Variants in CNTN5 observed in about 807,000 individuals in gnomAD.
CNTN5 encodes contactin-5.
CNTN5 carries 77 observed loss-of-function variants against 129.1 expected under a neutral mutation model. The observed-to-expected ratio is 0.60, with a 90% CI of 0.50 to 0.72. The LOEUF (loss-of-function observed/expected upper bound fraction) is 0.72. CNTN5 is among the 30% of genes least tolerant of loss of function. CNTN5 has a pLI of 0.00. For synonymous variants in CNTN5, 509 were observed against 465.6 expected (o/e 1.09, Z -1.20); for missense variants, 1,478 against 1,328.8 (o/e 1.11, Z -1.75).
intron 2 of CNTN5, among the ~76,000 whole-genome samples, chr11:99,333,978 A>T (rs200567234): frequency 0.62 from 91,554 of 147,532 alleles, 28,429 homozygotes; most frequent in African/African-American, 0.74. Flanking sequence ...TCTCTCACAC[A>T]CACACACACA....
At chr11:99,732,847 G>A (rs1353751658) in intron 3 of CNTN5, among the ~76,000 whole-genome samples, 1 of 151,452 alleles carries the variant, frequency 6.6e-6, no homozygotes, top group African/African-American at 2.4e-5. Context: ...TTAAGATGCT[G>A]GTGGAATAAC....
At chr11:99,906,667 G>A (rs998952491) in intron 6 of CNTN5, among the ~76,000 whole-genome samples, 1 of 152,132 alleles carries the variant, frequency 6.6e-6, no homozygotes, top group East Asian at 1.9e-4. Context: ...CATAAAATGA[G>A]TTAGAGAGGA....
rs112664739 is a variant in CNTN5 at position 99,199,065 on chromosome 11, T to C, written c.-209-126281T>C. 8.0e-3 allele frequency among the ~76,000 whole-genome samples: 1,219 copies of C among 152,242 alleles called. 4 individuals are homozygous for C. The highest frequency in any genetic ancestry group is 0.016 in the Admixed American group (242 of 15,280). On this transcript the variant is annotated intron_variant, in intron 1 of 24. Transcript: ENST00000524871. ...ATGATGCCATTGATGTTGGTAATGA[T>C]TGTATGGAAAGACAGGCTACAGAAA...
intron 9 of CNTN5, among the ~76,000 whole-genome samples, chr11:100,029,426 C>CA (rs1352276567): frequency 6.6e-6 from 1 of 151,682 alleles, no homozygotes; most frequent in African/African-American, 2.4e-5. Flanking sequence ...ACTAAAAATA[C>CA]AAAAAAATTA....
At chr11:99,795,647 T>C (rs2135456885) in intron 3 of CNTN5, among the ~76,000 whole-genome samples, 1 of 151,630 alleles carries the variant, frequency 6.6e-6, no homozygotes, top group South Asian at 2.1e-4. Flanking sequence ...ATTGTTACCC[T>C]TTGGATCTTT....
intron 2 of CNTN5, among the ~76,000 whole-genome samples, chr11:99,434,654 A>C (rs1943531494): frequency 6.6e-6 from 1 of 152,146 alleles, no homozygotes; most frequent in Non-Finnish European, 1.5e-5. Context: ...ATTATTACCA[A>C]TAGGAACTTT....
chr11:99,779,638 T>G (rs568465150), intron 3 of CNTN5, among the ~76,000 whole-genome samples: 186 of 152,098 alleles, frequency 1.2e-3, no homozygotes, highest in African/African-American at 4.4e-3. Flanking sequence ...AGTAACACTA[T>G]GAGGAATAGG....
chr11:100,006,395 A>G (rs1940190159), intron 9 of CNTN5, among the ~76,000 whole-genome samples: 2 of 152,092 alleles, frequency 1.3e-5, no homozygotes, highest in Admixed American at 1.3e-4. Flanking sequence ...CTTCTTTCAA[A>G]ATTGGAGTCA....
chr11:99,086,017 G>A (rs1160184564), intron 1 of CNTN5, among the ~76,000 whole-genome samples: 1 of 152,210 alleles, frequency 6.6e-6, no homozygotes, highest in Non-Finnish European at 1.5e-5. Context: ...CTACCACCAT[G>A]CAGTTTAAAA....
intron 1 of CNTN5, among the ~76,000 whole-genome samples, chr11:99,280,619 A>G (rs1863652381): frequency 6.6e-6 from 1 of 151,778 alleles, no homozygotes; most frequent in Non-Finnish European, 1.5e-5. Flanking sequence ...ATAGCTATAG[A>G]CCCAATCTCT....
intron 1 of CNTN5, among the ~76,000 whole-genome samples, chr11:99,217,791 A>T (rs889541877): frequency 5.9e-5 from 9 of 152,076 alleles, no homozygotes; most frequent in Non-Finnish European, 1.2e-4. Context: ...GGGCTTTTAC[A>T]TAAGGCCAAT....
At chr11:99,663,985 G>A (rs1952693218) in intron 3 of CNTN5, among the ~76,000 whole-genome samples, 1 of 152,130 alleles carries the variant, frequency 6.6e-6, no homozygotes, top group African/African-American at 2.4e-5. Context: ...ACTCTGTTGT[G>A]TATATCTTAA....
intron 3 of CNTN5, among the ~76,000 whole-genome samples, chr11:99,797,575 T>G (rs1945984680): frequency 6.6e-6 from 1 of 152,208 alleles, no homozygotes; most frequent in East Asian, 1.9e-4. Flanking sequence ...TTGTATGTCT[T>G]CTTTTGAGAA....
chr11:99,666,236 T>C (rs1000437185), intron 3 of CNTN5, among the ~76,000 whole-genome samples: 5 of 152,130 alleles, frequency 3.3e-5, no homozygotes, highest in African/African-American at 1.2e-4. Flanking sequence ...CCGAAGTGCT[T>C]GGATTATAGG....
chr11:99,631,876 C>G (rs188360910), intron 3 of CNTN5, among the ~76,000 whole-genome samples: 3 of 152,194 alleles, frequency 2.0e-5, no homozygotes, highest in Admixed American at 2.0e-4. Context: ...GAATACAATA[C>G]AAGTAGGTAT....
intron 1 of CNTN5, among the ~76,000 whole-genome samples, chr11:99,321,175 A>G (rs1865553779): frequency 6.6e-6 from 1 of 150,654 alleles, no homozygotes; most frequent in South Asian, 2.1e-4. Context: ...GTCAGCTCCC[A>G]TAATCACATA....
intron 3 of CNTN5, among the ~76,000 whole-genome samples, chr11:99,675,011 C>CTGGTT (rs201153480): frequency 0.064 from 6,578 of 103,356 alleles, 176 homozygotes; most frequent in South Asian, 0.16. Flanking sequence ...AGGCATTTTT[C>CTGGTT]TGGTTTTGTT....
At chr11:100,226,723 A>C (rs1949382469) in intron 16 of CNTN5, among the ~76,000 whole-genome samples, 1 of 151,950 alleles carries the variant, frequency 6.6e-6, no homozygotes, top group Admixed American at 6.6e-5. Context: ...TGAGTTTTAG[A>C]CAGATTTAAA....
intron 13 of CNTN5, among the ~76,000 whole-genome samples, chr11:100,085,214 G>C (rs1035307850): frequency 1.4e-4 from 22 of 151,980 alleles, no homozygotes; most frequent in Non-Finnish European, 3.2e-4. Context: ...ACAATGATGA[G>C]TTTCCTGGGG....
Sources: gnomAD v4.1 joint callset for allele counts (sites outside exome capture counted in the v4.1 genomes callset) on GRCh38, gnomAD v4.1.1 for gene constraint, MANE v1.5 for transcripts, NCBI Gene and HGNC (gene_info 2026-07-23, HGNC 2026-07-21) for gene names.